The following SYN3 variants were observed in gnomAD, a reference collection of about 807,000 sequenced individuals.
SYN3 encodes synapsin III, also known as synapsin-3.
SYN3 carries 35 observed loss-of-function variants against 65.8 expected under a neutral mutation model. The ratio of observed to expected loss-of-function variants is 0.53; its 90% CI spans 0.41 to 0.70. The LOEUF (loss-of-function observed/expected upper bound fraction) is 0.70. Ranked by LOEUF, SYN3 falls within the 30% of genes least tolerant of loss-of-function variation. The pLI is 0.00. For missense variants in SYN3, 680 were observed against 749.0 expected (o/e 0.91, Z 1.08); for synonymous variants, 270 against 292.9 (o/e 0.92, Z 0.80).
At chr22:33,029,865 C>A (rs540356601) in intron 1 of SYN3, among the ~76,000 whole-genome samples, 4 of 152,274 alleles carry the variant, frequency 2.6e-5, no homozygotes, top group Admixed American at 1.3e-4. Flanking sequence ...AAACTTAGCT[C>A]GGTTATACAG....
At position 32,872,736 on chromosome 22, in the gene SYN3, C is replaced by T. The variant is rs117664461; in HGVS notation, c.462-3611G>A. Among the ~76,000 whole-genome samples the T allele has an allele frequency of 6.6e-4, 101 of 152,228 alleles. 2 individuals carry two copies. In the East Asian group the frequency reaches 0.017, roughly 26 times the overall value. On this transcript the variant is annotated intron_variant, in intron 4 of 13. Coordinates refer to ENST00000358763, the MANE Select transcript of SYN3 (RefSeq NM_003490.4). ...AGTTCCTCCCTCTGTACCCAGCACCCCAGGTTCTCCATCTGGCCAGGGGGT... is the reference window on the plus strand; with the variant it reads ...AGTTCCTCCCTCTGTACCCAGCACCTCAGGTTCTCCATCTGGCCAGGGGGT...
At chr22:32,783,542 G>A (rs560748368) in intron 6 of SYN3, among the ~76,000 whole-genome samples, 1 of 152,268 alleles carries the variant, frequency 6.6e-6, no homozygotes, top group African/African-American at 2.4e-5. Context: ...TTTTTACATG[G>A]TTTTTAATCT....
At chr22:32,780,078 A>AAAAAAAAAAAAAAAGAG (rs1359453939) in intron 6 of SYN3, among the ~76,000 whole-genome samples, 12 of 52,668 alleles carry the variant, frequency 2.3e-4, no homozygotes, top group African/African-American at 6.5e-4. Context: ...CAAAAAAAAA[A>AAAAAAAAAAAAAAAGAG]AGAGAGAGAA....
intron 4 of SYN3, among the ~76,000 whole-genome samples, chr22:32,896,600 T>G (rs2049600325): frequency 6.6e-6 from 1 of 152,216 alleles, no homozygotes; most frequent in African/African-American, 2.4e-5. Flanking sequence ...AAGTAGGCAT[T>G]TTGAGGCTAG....
chr22:32,844,795 C>T (rs1320940162), intron 6 of SYN3, among the ~76,000 whole-genome samples: 1 of 151,876 alleles, frequency 6.6e-6, no homozygotes, highest in Non-Finnish European at 1.5e-5. Flanking sequence ...ACTGTAGCCT[C>T]GAACTCCTGG....
chr22:32,596,608 G>T, intron 7 of SYN3, 66 bp downstream of exon 7: 1 of 1,545,522 alleles, frequency 6.5e-7, no homozygotes, highest in Non-Finnish European at 8.9e-7. Flanking sequence ...CAGAGGGAGA[G>T]AGGAACAGGT....
intron 6 of SYN3, among the ~76,000 whole-genome samples, chr22:32,762,751 G>C (rs1037483238): frequency 2.0e-5 from 3 of 152,206 alleles, no homozygotes; most frequent in Non-Finnish European, 4.4e-5. Context: ...GCACGCCCTG[G>C]TTCCCACTTA....
At chr22:32,872,867 G>C (rs1053221072) in intron 4 of SYN3, among the ~76,000 whole-genome samples, 1 of 151,770 alleles carries the variant, frequency 6.6e-6, no homozygotes, top group African/African-American at 2.4e-5. Flanking sequence ...ATCCCAAGAT[G>C]ACAGGGATGA....
chr22:32,789,040 G>T (rs959709559), intron 6 of SYN3, among the ~76,000 whole-genome samples: 2 of 152,164 alleles, frequency 1.3e-5, no homozygotes, highest in Admixed American at 1.3e-4. Context: ...TAGGATTGCT[G>T]GGCCCCCCTC....
intron 7 of SYN3, among the ~76,000 whole-genome samples, chr22:32,580,529 A>C (rs987345057): frequency 2.0e-5 from 3 of 152,170 alleles, no homozygotes; most frequent in African/African-American, 7.2e-5. Context: ...AAACCCAGTA[A>C]ATGTAGGGTT....
chr22:32,781,730 G>A (rs924545049), intron 6 of SYN3, among the ~76,000 whole-genome samples: 9 of 151,246 alleles, frequency 6.0e-5, no homozygotes, highest in Non-Finnish European at 1.3e-4. Context: ...CTGAGCTAGG[G>A]CTGAGACACA....
intron 4 of SYN3, among the ~76,000 whole-genome samples, chr22:32,883,618 T>C (rs1217516908): frequency 6.6e-6 from 1 of 152,254 alleles, no homozygotes; most frequent in Non-Finnish European, 1.5e-5. Context: ...TGGAGATTTT[T>C]AGAAGCTTTC....
chr22:32,994,035 C>T (rs1272881517), intron 2 of SYN3, among the ~76,000 whole-genome samples: 1 of 152,136 alleles, frequency 6.6e-6, no homozygotes. Context: ...CCCCCTCCTC[C>T]CCGAAAGAGC....
chr22:32,690,066 C>T (rs1417048688), intron 6 of SYN3, among the ~76,000 whole-genome samples: 3 of 152,184 alleles, frequency 2.0e-5, no homozygotes, highest in Non-Finnish European at 4.4e-5. Context: ...ATCCCAGCTA[C>T]TTGGGAGGCT....
chr22:32,685,827 A>T (rs2060581780), intron 6 of SYN3, among the ~76,000 whole-genome samples: 1 of 152,246 alleles, frequency 6.6e-6, no homozygotes, highest in East Asian at 1.9e-4. Context: ...CAGAGTTGAG[A>T]TGTATCTACA....
intron 7 of SYN3, among the ~76,000 whole-genome samples, chr22:32,565,518 A>C (rs1271742113): frequency 6.7e-6 from 1 of 149,410 alleles, no homozygotes; most frequent in Non-Finnish European, 1.5e-5. Context: ...ATATATATAA[A>C]TATATAAGTA....
chr22:32,838,249 G>A (rs1343971461), intron 6 of SYN3, among the ~76,000 whole-genome samples: 4 of 152,088 alleles, frequency 2.6e-5, no homozygotes, highest in African/African-American at 9.7e-5. Flanking sequence ...GTGGACTTGA[G>A]GAGAAGGAGG....
intron 6 of SYN3, among the ~76,000 whole-genome samples, chr22:32,766,956 G>A (rs935060746): frequency 1.3e-5 from 2 of 152,178 alleles, no homozygotes; most frequent in African/African-American, 4.8e-5. Context: ...GGTATCCACA[G>A]TAGACCATTT....
intron 2 of SYN3, among the ~76,000 whole-genome samples, chr22:33,005,604 G>A (rs553177053): frequency 3.3e-5 from 5 of 152,194 alleles, no homozygotes; most frequent in Admixed American, 1.3e-4. Context: ...TGCCACTGTG[G>A]AACTTACCAG....
Sources: gnomAD v4.1 joint callset for allele counts (sites outside exome capture counted in the v4.1 genomes callset) on GRCh38, gnomAD v4.1.1 for gene constraint, MANE v1.5 for transcripts, NCBI Gene and HGNC (gene_info 2026-07-23, HGNC 2026-07-21) for gene names.